Variants in SLC26A8 observed in about 807,000 individuals in gnomAD.
The protein encoded by SLC26A8 is solute carrier family 26 member 8.
In SLC26A8, 70 loss-of-function variants were observed where a neutral mutation model predicts 105.0. That is an observed-to-expected ratio of 0.67 (90% CI 0.55 to 0.81). The LOEUF is 0.81. SLC26A8 is among the 40% of genes least tolerant of loss of function. The pLI, the probability that SLC26A8 is intolerant of heterozygous loss-of-function variation, is 0.00. For synonymous variants in SLC26A8, 415 were observed against 438.3 expected (o/e 0.95, Z 0.66); for missense variants, 998 against 1,181.8 (o/e 0.84, Z 2.28).
At chr6:36,023,446 G>T (rs1762176779) in intron 1 of SLC26A8, among the ~76,000 whole-genome samples, 1 of 151,092 alleles carries the variant, frequency 6.6e-6, no homozygotes, top group South Asian at 2.1e-4. Context: ...ACTCAGGAGG[G>T]TGAGGCAGGA....
intron 11 of SLC26A8, among the ~76,000 whole-genome samples, chr6:35,963,641 C>T (rs186297977): frequency 2.0e-5 from 3 of 152,322 alleles, no homozygotes; most frequent in African/African-American, 7.2e-5. Context: ...CTCATCTATC[C>T]CCTTCTGCTT....
chr6:35,992,528 A>C lies in SLC26A8; in HGVS notation c.774T>G (p.Gly258=). ...TACTCACATAGAAGAAGGAGATGGG[A>C]CCGGCATGGAAACTAATCATAATCC... ...IFGIMISFHA[G]PISFFYDIIN... is the part of the protein sequence containing the mutation. Residue 258 remains glycine, a synonymous_variant, in exon 6 of 20, where the codon GGT becomes GGG. Coordinates refer to ENST00000490799, the MANE Select transcript of SLC26A8 (RefSeq NM_052961.4). 1 of 1,613,152 alleles carries C rather than the reference A, an allele frequency of 6.2e-7. No individual in the cohort carries two copies. Among genetic ancestry groups the C allele is most frequent in the Non-Finnish European group, 8.5e-7 (1 of 1,179,680 alleles).
Position 35,981,970 on chromosome 6 carries a change from G to C in SLC26A8, c.1025+151C>G, listed in dbSNP as rs1773284496. 4.2e-6 allele frequency: 3 copies of C among 710,992 alleles called. No homozygotes were observed. Among genetic ancestry groups the C allele is most frequent in the Non-Finnish European group, 7.1e-6 (3 of 420,066 alleles). 44.0% of individuals were successfully genotyped at this position (710,992 alleles called of 1,614,324 possible). A position where few individuals can be genotyped will look rare whatever the true frequency, so the allele number is the denominator to read the frequency against. ...GAGAAGACACAAGGAGTTGTCCCTA[G>C]CCCTTCTCCTTTCATGAACCTCTGT... is the stretch of plus-strand genomic sequence containing the variant. On this transcript the variant is annotated intron_variant, in intron 8 of 19. Coordinates refer to ENST00000490799, the MANE Select transcript of SLC26A8 (RefSeq NM_052961.4). This position sits in a 1 kb window ranked among gnomAD's most constrained non-coding sequence, Gnocchi z 4.0.
chr6:35,990,327 G>T, intron 7 of SLC26A8: 1 of 296,236 alleles, frequency 3.4e-6, no homozygotes, highest in South Asian at 3.4e-5. Context: ...GTTTGGGTAT[G>T]GGTTCTTATT....
intron 19 of SLC26A8, among the ~76,000 whole-genome samples, chr6:35,944,976 A>C (rs1321659157): frequency 6.6e-6 from 1 of 152,036 alleles, no homozygotes; most frequent in Non-Finnish European, 1.5e-5. Flanking sequence ...CAGCCTCCCA[A>C]GTAGTTGGGA....
At chr6:35,946,480 A>G (rs74601976) in intron 19 of SLC26A8, among the ~76,000 whole-genome samples, 1 of 151,392 alleles carries the variant, frequency 6.6e-6, no homozygotes, top group Non-Finnish European at 1.5e-5. Flanking sequence ...CAAGTGATCC[A>G]CCTGCCTCAC....
At chr6:35,977,151 C>T in intron 9 of SLC26A8, 53 bp downstream of exon 9, 1 of 1,564,820 alleles carries the variant, frequency 6.4e-7, no homozygotes, top group Non-Finnish European at 8.7e-7. Flanking sequence ...TGGCAGGAGG[C>T]TTTGATTAAA....
In SLC26A8 at chr6:35,952,517, C is replaced by A. The variant is rs538368009; in HGVS notation, c.2233-1018G>T. 2.0e-5 allele frequency among the ~76,000 whole-genome samples: 3 copies of A among 152,218 alleles called. No homozygotes were observed. In the South Asian group the frequency reaches 6.2e-4, roughly 32 times the overall value. ...TACTTAAGACTAAGTAGACACCAAC[C>A]CTGAGCACTAAGTTAAAGTGTCAAA... On this transcript the variant is annotated intron_variant, in intron 17 of 19. Coordinates refer to ENST00000490799, the MANE Select transcript of SLC26A8 (RefSeq NM_052961.4).
intron 17 of SLC26A8, among the ~76,000 whole-genome samples, chr6:35,952,124 C>T (rs1771900056): frequency 6.6e-6 from 1 of 152,102 alleles, no homozygotes; most frequent in Non-Finnish European, 1.5e-5. Flanking sequence ...GGAGGAAAGC[C>T]CTAGCATAGA....
intron 10 of SLC26A8, among the ~76,000 whole-genome samples, chr6:35,974,540 A>T (rs1378480643): frequency 6.6e-6 from 1 of 152,126 alleles, no homozygotes; most frequent in Non-Finnish European, 1.5e-5. Context: ...TACATTCTCT[A>T]GGCTCTCCTA....
intron 11 of SLC26A8, among the ~76,000 whole-genome samples, chr6:35,962,925 T>A (rs1772371870): frequency 6.6e-6 from 1 of 152,162 alleles, no homozygotes; most frequent in South Asian, 2.1e-4. Flanking sequence ...CCACTCAGCC[T>A]CCCAAGTAGC....
rs1368671712 is a variant in SLC26A8, at chr6:35,997,813, G to A, written c.552C>T (p.Ala184=). ...TATTATAGCCCATAAGGTAGGAGGG[G>A]GCCGAAAACTCATTCTTGACGAAAG... ...MGSFVKNEFS[A]PSYLMGYNKS... is the part of the protein sequence containing the mutation. Residue 184 remains alanine (A), a synonymous_variant, in exon 5 of 20, where the codon GCC becomes GCT. Coordinates refer to ENST00000490799, the MANE Select transcript of SLC26A8 (RefSeq NM_052961.4). 14 of 1,613,926 alleles carry A rather than the reference G, an allele frequency of 8.7e-6. No individual in the cohort carries two copies. Among genetic ancestry groups the A allele is most frequent in the Non-Finnish European group, 1.2e-5 (14 of 1,180,006 alleles).
chr6:35,984,227 C>A (rs907750864), intron 7 of SLC26A8, among the ~76,000 whole-genome samples: 1 of 151,896 alleles, frequency 6.6e-6, no homozygotes, highest in Non-Finnish European at 1.5e-5. Context: ...CTGTTTCCTC[C>A]CCTACCTCAC....
At chr6:35,993,191 G>GGGC (rs1761234558) in intron 5 of SLC26A8, among the ~76,000 whole-genome samples, 1 of 127,228 alleles carries the variant, frequency 7.9e-6, no homozygotes, top group African/African-American at 2.8e-5. Context: ...GAGATTGGAG[G>GGGC]GGGGGGTCTT....
At chr6:36,014,852 C>T (rs550809717) in intron 2 of SLC26A8, among the ~76,000 whole-genome samples, 5 of 151,436 alleles carry the variant, frequency 3.3e-5, no homozygotes, top group Non-Finnish European at 5.9e-5. Flanking sequence ...GATGACAGAG[C>T]GAGACTCTGG....
At chr6:35,969,649 G>GCCCTAAAATCCCAAGCA (rs70975117) in intron 10 of SLC26A8, 63,039 of 151,480 alleles carry the variant, frequency 0.42, 14,699 homozygotes, top group African/African-American at 0.64. Flanking sequence ...CTCAGTGTCA[G>GCCCTAAAATCCCAAGCA]CCCTACTTCC....
At chr6:35,970,842 A>G (rs943888121) in intron 10 of SLC26A8, among the ~76,000 whole-genome samples, 7 of 152,124 alleles carry the variant, frequency 4.6e-5, no homozygotes, top group African/African-American at 1.7e-4. Flanking sequence ...CCTGGCCAAC[A>G]TGGTGAAACC....
In SLC26A8 at chr6:35,991,769, A is replaced by G; in HGVS notation, c.832T>C (p.Ser278Pro). ...GTTAGAAATACTAGAATGCTGGTGG[A>G]ATTCGCTTTTGGGAGAGCTACACAG... ...NYCVALPKAN[S>P]TSILVFLTVV... Residue 278 changes from serine to proline, a missense_variant, in exon 7 of 20, where the codon TCC becomes CCC. Transcript: ENST00000490799. The G allele has an allele frequency of 6.2e-7, 1 of 1,604,424 alleles. No homozygotes were observed. The highest frequency in any genetic ancestry group is 8.5e-7 in the Non-Finnish European group (1 of 1,176,806).
chr6:35,970,871 CA>C (rs1162475646), intron 10 of SLC26A8, among the ~76,000 whole-genome samples: 4 of 151,848 alleles, frequency 2.6e-5, no homozygotes, highest in Non-Finnish European at 4.4e-5. Flanking sequence ...ACTAAAAATA[CA>C]AAAAAATTAG....
Sources: gnomAD v4.1 joint callset for allele counts (sites outside exome capture counted in the v4.1 genomes callset) on GRCh38, gnomAD v4.1.1 for gene constraint, Gnocchi (gnomAD v3.1) non-coding constraint, MANE v1.5 for transcripts, NCBI Gene and HGNC (gene_info 2026-07-23, HGNC 2026-07-21) for gene names.